LRTM3: variants seen among roughly 807,000 people sequenced by gnomAD.
LRTM3 encodes the protein leucine rich repeat transmembrane protein 3.
chr13:102,741,570 G>C, the LRTM3 span: 9 of 1,550,286 alleles, frequency 5.8e-6, no homozygotes, highest in Non-Finnish European at 7.9e-6. Flanking sequence ...TCCAAATGAA[G>C]AGGTTCCATA....
At chr13:102,730,393 A>G in the LRTM3 span, 1 of 1,550,916 alleles carries the variant, frequency 6.4e-7, no homozygotes, top group Admixed American at 2.0e-5. Context: ...GAATATCAAC[A>G]AAATCTTCAG....
the LRTM3 span, chr13:102,741,191 TTCTG>T: frequency 2.7e-5 from 42 of 1,549,510 alleles, no homozygotes; most frequent in Non-Finnish European, 3.5e-5. Flanking sequence ...AAAGTCCATT[TTCTG>T]TCTATTTGAT....
At chr13:102,755,838 A>G in the LRTM3 span, among the ~76,000 whole-genome samples, 2 of 151,152 alleles carry the variant, frequency 1.3e-5, no homozygotes, top group East Asian at 1.9e-4. Flanking sequence ...TAAAAATAAA[A>G]AAATACTATG....
chr13:102,750,435 C>T, the LRTM3 span: 106 of 1,043,414 alleles, frequency 1.0e-4, no homozygotes, highest in Admixed American at 2.6e-4. Flanking sequence ...GAATATATTT[C>T]GTATAAGAAT....
the LRTM3 span, chr13:102,731,985 A>G: frequency 6.4e-7 from 1 of 1,551,176 alleles, no homozygotes; most frequent in Non-Finnish European, 8.7e-7. Context: ...TGTGCCTTTA[A>G]GTATTTTTTA....
chr13:102,748,768 T>C, the LRTM3 span: 65 of 1,550,338 alleles, frequency 4.2e-5, no homozygotes, highest in Middle Eastern at 6.7e-4. Flanking sequence ...TTTCTACTAG[T>C]AAACAAGGTG....
chr13:102,743,965 A>C, the LRTM3 span: 1 of 1,550,416 alleles, frequency 6.4e-7, no homozygotes, highest in Non-Finnish European at 8.7e-7. Flanking sequence ...TAATATGACC[A>C]TCCAGATTTT....
the LRTM3 span, chr13:102,742,856 T>C: frequency 6.4e-7 from 1 of 1,550,776 alleles, no homozygotes; most frequent in Non-Finnish European, 8.7e-7. Flanking sequence ...ATGGCCAATG[T>C]TCTGTTTATC....
At chr13:102,755,935 A>G in the LRTM3 span, among the ~76,000 whole-genome samples, 34,086 of 87,934 alleles carry the variant, frequency 0.39, 4,786 homozygotes, top group South Asian at 0.48. Context: ...GTGTGTGTAT[A>G]TATATACATA....
At chr13:102,745,810 A>C in the LRTM3 span, 133 of 1,550,960 alleles carry the variant, frequency 8.6e-5, no homozygotes, top group Non-Finnish European at 1.1e-4. Flanking sequence ...ACCTAACATG[A>C]CTCTCTACCT....
At chr13:102,731,830 TA>T in the LRTM3 span, 3 of 1,549,496 alleles carry the variant, frequency 1.9e-6, no homozygotes, top group Non-Finnish European at 2.6e-6. Flanking sequence ...TTTGCTTGGG[TA>T]ACTTTGGATC....
the LRTM3 span, chr13:102,739,962 T>C: frequency 4.5e-6 from 7 of 1,550,524 alleles, no homozygotes; most frequent in Non-Finnish European, 6.1e-6. Context: ...ACTGATTTCT[T>C]CCATTTCGAA....
chr13:102,736,310 A>G, the LRTM3 span: 54 of 1,550,960 alleles, frequency 3.5e-5, no homozygotes, highest in Non-Finnish European at 4.4e-5. Context: ...TCTCTTACTC[A>G]GAGGACTGTG....
the LRTM3 span, chr13:102,749,396 G>A: frequency 1.5e-5 from 23 of 1,551,234 alleles, no homozygotes; most frequent in African/African-American, 2.7e-5. Context: ...CATATCTTCA[G>A]TGACTAAATT....
chr13:102,738,136 T>C, the LRTM3 span: 1 of 1,551,140 alleles, frequency 6.4e-7, no homozygotes, highest in Non-Finnish European at 8.7e-7. Context: ...TAGTATTCAA[T>C]GGTAGGTCCT....
At chr13:102,748,047 G>T in the LRTM3 span, 15 of 1,550,986 alleles carry the variant, frequency 9.7e-6, no homozygotes, top group Non-Finnish European at 1.3e-5. Flanking sequence ...TTCTCATCTG[G>T]TAATTTCTCT....
chr13:102,747,603 G>T, the LRTM3 span: 1 of 1,551,002 alleles, frequency 6.4e-7, no homozygotes, highest in South Asian at 1.2e-5. Flanking sequence ...GTTGTCTTTT[G>T]GAGGTTTCCA....
the LRTM3 span, chr13:102,739,801 A>G: frequency 6.5e-7 from 1 of 1,549,330 alleles, no homozygotes; most frequent in Non-Finnish European, 8.7e-7. Context: ...AGTGAGGTAA[A>G]GAAAGAATAG....
At chr13:102,749,564 T>G in the LRTM3 span, 8 of 1,551,310 alleles carry the variant, frequency 5.2e-6, no homozygotes, top group Non-Finnish European at 7.0e-6. Flanking sequence ...ATATTTTGCC[T>G]CAACAATTGA....
Sources: allele counts gnomAD v4.1 joint callset (sites outside exome capture counted in the v4.1 genomes callset), GRCh38; gene constraint gnomAD v4.1.1; transcripts MANE v1.5; gene names NCBI Gene and HGNC (gene_info 2026-07-23, HGNC 2026-07-21).